The following SAMD3 variants were observed in gnomAD, a reference collection of about 807,000 sequenced individuals.
SAMD3 encodes the protein sterile alpha motif domain-containing protein 3.
A neutral mutation model predicts 58.5 loss-of-function variants in SAMD3; 63 were observed. That is an observed-to-expected ratio of 1.08 (90% CI 0.88 to 1.33). SAMD3 has a LOEUF of 1.33. Among genes scored for constraint, SAMD3 ranks in the 40% most tolerant of loss-of-function variants. The pLI, the probability that SAMD3 is intolerant of heterozygous loss-of-function variation, is 0.00. For missense variants in SAMD3, 604 were observed against 608.4 expected (o/e 0.99, Z 0.08); for synonymous variants, 220 against 210.3 (o/e 1.05, Z -0.40).
At chr6:130,360,336 T>A (rs1248119895) in intron 1 of SAMD3, among the ~76,000 whole-genome samples, 1 of 152,208 alleles carries the variant, frequency 6.6e-6, no homozygotes, top group East Asian at 1.9e-4. Flanking sequence ...TCCTTTTCTA[T>A]TTTCCCTAAG....
intron 1 of SAMD3, among the ~76,000 whole-genome samples, chr6:130,350,559 G>A (rs540367398): frequency 5.7e-4 from 87 of 152,124 alleles, no homozygotes; most frequent in South Asian, 2.5e-3. Flanking sequence ...ACCACTGCTC[G>A]ATGAAATAAA....
intron 2 of SAMD3, among the ~76,000 whole-genome samples, chr6:130,301,010 C>T (rs866693330): frequency 9.9e-5 from 15 of 152,102 alleles, no homozygotes; most frequent in African/African-American, 3.1e-4. Flanking sequence ...TGATGTTCCC[C>T]GCCCTGTGTC....
intron 2 of SAMD3, among the ~76,000 whole-genome samples, chr6:130,302,768 T>G (rs967317865): frequency 6.6e-6 from 1 of 152,112 alleles, no homozygotes; most frequent in African/African-American, 2.4e-5. Flanking sequence ...TGAAATAATA[T>G]TTTTTTGCAG....
chr6:130,189,673 C>T lies in SAMD3; in HGVS notation c.384-5050G>A, dbSNP rs150570386. On this transcript the variant is annotated intron_variant, in intron 5 of 11. Coordinates refer to ENST00000439090, the MANE Select transcript of SAMD3 (RefSeq NM_001017373.4). ...ATGCTACTACACTAATCCAAGTATT[C>T]GCCACTCAAATGTGGACTGCTTCAG... is the stretch of plus-strand genomic sequence containing the variant. Among the ~76,000 whole-genome samples, 1,160 of 152,268 alleles carry T rather than the reference C, an allele frequency of 7.6e-3. 11 individuals carry two copies. The highest frequency in any genetic ancestry group is 0.02 in the Middle Eastern group (6 of 294).
At chr6:130,334,601 C>A (rs1232466973) in intron 1 of SAMD3, among the ~76,000 whole-genome samples, 2 of 152,208 alleles carry the variant, frequency 1.3e-5, no homozygotes, top group African/African-American at 4.8e-5. Context: ...CTGAGATTCA[C>A]CTTCTTGATA....
chr6:130,177,493 G>A (rs1480317593), intron 7 of SAMD3, among the ~76,000 whole-genome samples: 2 of 152,040 alleles, frequency 1.3e-5, no homozygotes, highest in Non-Finnish European at 2.9e-5. Flanking sequence ...GGCCTGGAAA[G>A]CTTTATCCCT....
At chr6:130,311,028 C>G (rs1776136069) in intron 2 of SAMD3, among the ~76,000 whole-genome samples, 1 of 152,074 alleles carries the variant, frequency 6.6e-6, no homozygotes, top group Admixed American at 6.6e-5. Context: ...ATGTATGGCT[C>G]CAGCGCTGGG....
intron 2 of SAMD3, among the ~76,000 whole-genome samples, chr6:130,310,350 T>C (rs970448801): frequency 1.3e-5 from 2 of 152,222 alleles, no homozygotes; most frequent in Non-Finnish European, 2.9e-5. Context: ...ATAAGGAGAA[T>C]TTTTACTGAT....
rs141403543 is a variant in SAMD3 at position 130,340,895 on chromosome 6, ATTTATTTGTTTG to A, written c.-304+24213_-304+24224del. The stretch of plus-strand genomic sequence containing the variant: ...AGTCTTTTCTTAAACATTTTTGTTT[ATTTATTTGTTTG>A]AAGATGTTTGATTTCTGTGATGCAG... On this transcript the variant is annotated intron_variant, in intron 1 of 13. Coordinates refer to the SAMD3 transcript ENST00000368134. 4.1e-3 allele frequency among the ~76,000 whole-genome samples: 619 copies of A among 152,212 alleles called. 4 individuals are homozygous for A. Among genetic ancestry groups the A allele is most frequent in the African/African-American group, 0.014 (575 of 41,540 alleles).
intron 2 of SAMD3, among the ~76,000 whole-genome samples, chr6:130,268,082 T>A (rs1301442981): frequency 6.6e-6 from 1 of 152,220 alleles, no homozygotes; most frequent in African/African-American, 2.4e-5. Flanking sequence ...TTTGTGGTGA[T>A]GCTGGTGTAA....
At chr6:130,234,595 A>G (rs1796632063) in intron 2 of SAMD3, among the ~76,000 whole-genome samples, 1 of 152,212 alleles carries the variant, frequency 6.6e-6, no homozygotes, top group Admixed American at 6.5e-5. Context: ...GTCCTGGATC[A>G]CTACCAAATC....
Position 130,306,645 on chromosome 6 carries a change from T to A in SAMD3, c.-188+6333A>T, listed in dbSNP as rs570198420. On this transcript the variant is annotated intron_variant, in intron 2 of 13. Transcript: ENST00000368134. ...TAGCAGGAACAAACAGGAAGCCAGA[T>A]GGCAAGGAGATTATGAAATATAGCT... is the stretch of plus-strand genomic sequence containing the variant. 2.6e-5 allele frequency among the ~76,000 whole-genome samples: 4 copies of A among 152,310 alleles called. No homozygotes were observed. The South Asian group carries it at 8.3e-4, about 32-fold the overall frequency.
intron 1 of SAMD3, among the ~76,000 whole-genome samples, chr6:130,322,979 C>G (rs999758933): frequency 1.3e-5 from 2 of 151,940 alleles, no homozygotes; most frequent in African/African-American, 4.8e-5. Context: ...AGAAAATGTT[C>G]ATGGAATAAT....
At chr6:130,230,712 C>T (rs1471083655) in intron 2 of SAMD3, among the ~76,000 whole-genome samples, 3 of 152,170 alleles carry the variant, frequency 2.0e-5, no homozygotes, top group East Asian at 1.9e-4. Flanking sequence ...ATGCACAATC[C>T]TTGGACCTTT....
At chr6:130,174,130 C>A (rs1279547895) in intron 8 of SAMD3, among the ~76,000 whole-genome samples, 1 of 152,206 alleles carries the variant, frequency 6.6e-6, no homozygotes, top group East Asian at 1.9e-4. Flanking sequence ...GAGTGGGACC[C>A]ACTGAGCAAG....
At chr6:130,249,389 G>C (rs62431212) in intron 2 of SAMD3, among the ~76,000 whole-genome samples, 1 of 152,058 alleles carries the variant, frequency 6.6e-6, no homozygotes, top group South Asian at 2.1e-4. Flanking sequence ...TGGTGTCTGG[G>C]AGCTTAGAAG....
chr6:130,247,561 A>C (rs1773593355), intron 2 of SAMD3, among the ~76,000 whole-genome samples: 1 of 152,180 alleles, frequency 6.6e-6, no homozygotes, highest in African/African-American at 2.4e-5. Flanking sequence ...GAAACACTGC[A>C]AATATATTTA....
chr6:130,203,245 G>T (rs1365700121), intron 5 of SAMD3, among the ~76,000 whole-genome samples: 1 of 141,634 alleles, frequency 7.1e-6, no homozygotes, highest in Non-Finnish European at 1.5e-5. Flanking sequence ...ACAACAATAG[G>T]TAAAACTAAT....
chr6:130,213,666 A>T (rs1335692314), intron 4 of SAMD3, among the ~76,000 whole-genome samples: 1 of 152,206 alleles, frequency 6.6e-6, no homozygotes, highest in Admixed American at 6.5e-5. Context: ...TGAAATTTTT[A>T]ATCTTATAAA....
Sources: gnomAD v4.1 joint callset for allele counts (sites outside exome capture counted in the v4.1 genomes callset) on GRCh38, gnomAD v4.1.1 for gene constraint, MANE v1.5 for transcripts, NCBI Gene and HGNC (gene_info 2026-07-23, HGNC 2026-07-21) for gene names.